Variants in LINGO1 observed in about 807,000 individuals in gnomAD.
LINGO1 encodes the protein leucine-rich repeat and immunoglobulin-like domain-containing nogo receptor-interacting protein 1.
LINGO1 carries 11 observed loss-of-function variants against 37.3 expected under a neutral mutation model. That is an observed-to-expected ratio of 0.29 (90% CI 0.19 to 0.49). LINGO1 has a LOEUF of 0.49. Ranked by LOEUF, LINGO1 falls within the 20% of genes least tolerant of loss-of-function variation. The pLI, the probability that LINGO1 is intolerant of heterozygous loss-of-function variation, is 0.99. For synonymous variants in LINGO1, 387 were observed against 403.0 expected (o/e 0.96, Z 0.48); for missense variants, 585 against 878.2 (o/e 0.67, Z 4.22).
chr15:77,628,286 C>CA (rs1430929372), intron 1 of LINGO1, among the ~76,000 whole-genome samples: 2 of 151,936 alleles, frequency 1.3e-5, no homozygotes, highest in Non-Finnish European at 2.9e-5. Context: ...TTTGTAAGAG[C>CA]AAAAAATGGA....
At chr15:77,732,637 C>T (rs1018712496) in intron 2 of LINGO1, among the ~76,000 whole-genome samples, 5 of 152,202 alleles carry the variant, frequency 3.3e-5, no homozygotes, top group African/African-American at 4.8e-5. Context: ...GATGGGTGCT[C>T]GAGTGTGGCT....
chr15:77,655,562 T>C (rs559894561), intron 3 of LINGO1, among the ~76,000 whole-genome samples: 1 of 152,036 alleles, frequency 6.6e-6, no homozygotes, highest in Non-Finnish European at 1.5e-5. Context: ...TGGGTGACCA[T>C]ACCAATAGCA....
chr15:77,747,835 G>C (rs1228351333), intron 1 of LINGO1, among the ~76,000 whole-genome samples: 2 of 151,558 alleles, frequency 1.3e-5, no homozygotes, highest in African/African-American at 4.8e-5. Context: ...CTATCCCAGA[G>C]AGAATCATAC....
intron 2 of LINGO1, among the ~76,000 whole-genome samples, chr15:77,730,642 G>T (rs1360942643): frequency 6.6e-6 from 1 of 152,228 alleles, no homozygotes; most frequent in Non-Finnish European, 1.5e-5. Context: ...GCATCAACCT[G>T]GGGGAGACAC....
At chr15:77,682,806 T>C (rs372266614) in intron 2 of LINGO1, among the ~76,000 whole-genome samples, 2 of 151,724 alleles carry the variant, frequency 1.3e-5, no homozygotes, top group South Asian at 4.2e-4. Flanking sequence ...TCATCCCCGC[T>C]CCACTTAAAA....
intron 1 of LINGO1, among the ~76,000 whole-genome samples, chr15:77,619,922 G>A (rs1017653843): frequency 3.3e-5 from 5 of 152,098 alleles, no homozygotes; most frequent in African/African-American, 1.2e-4. Context: ...CTGCCCTAAC[G>A]GTGGGGAAGC....
At chr15:77,741,748 G>A (rs1309104776) in intron 1 of LINGO1, among the ~76,000 whole-genome samples, 1 of 152,212 alleles carries the variant, frequency 6.6e-6, no homozygotes, top group Non-Finnish European at 1.5e-5. Flanking sequence ...AGGTACAGTT[G>A]GAGGTAAAGG....
chr15:77,687,710 C>T (rs1429644177), intron 2 of LINGO1, among the ~76,000 whole-genome samples: 1 of 152,226 alleles, frequency 6.6e-6, no homozygotes, highest in East Asian at 1.9e-4. Flanking sequence ...CACCCACTGC[C>T]CCATTCTATT....
chr15:77,662,887 C>G (rs547627624), intron 3 of LINGO1, among the ~76,000 whole-genome samples: 2 of 152,250 alleles, frequency 1.3e-5, no homozygotes, highest in Non-Finnish European at 2.9e-5. Context: ...AGAACCCACA[C>G]TCCCTGGGCT....
intron 1 of LINGO1, among the ~76,000 whole-genome samples, chr15:77,813,481 T>C (rs1159555724): frequency 6.6e-6 from 1 of 151,974 alleles, no homozygotes; most frequent in African/African-American, 2.4e-5. Flanking sequence ...TGGGAGGGTG[T>C]TGGGTGAGAG....
intron 1 of LINGO1, among the ~76,000 whole-genome samples, chr15:77,772,873 C>T (rs1035254838): frequency 5.3e-5 from 8 of 152,124 alleles, no homozygotes; most frequent in African/African-American, 1.4e-4. Context: ...TAGCATGGTT[C>T]GTTAAGGCGC....
chr15:77,643,885 A>G (rs1035152193), intron 3 of LINGO1, among the ~76,000 whole-genome samples: 1 of 152,136 alleles, frequency 6.6e-6, no homozygotes, highest in African/African-American at 2.4e-5. Flanking sequence ...TGGGGGTGCA[A>G]TGGCTCAAGG....
intron 3 of LINGO1, among the ~76,000 whole-genome samples, chr15:77,655,247 G>T (rs1001646799): frequency 3.9e-5 from 6 of 152,230 alleles, no homozygotes; most frequent in Admixed American, 3.9e-4. Context: ...CCAGGAAGAG[G>T]AGCTGGAGAA....
At chr15:77,631,479 G>C (rs974312253) in intron 1 of LINGO1, among the ~76,000 whole-genome samples, 1 of 152,308 alleles carries the variant, frequency 6.6e-6, no homozygotes, top group African/African-American at 2.4e-5. Flanking sequence ...CACTGGCCTG[G>C]CCCCACCCCT....
rs1322468413 is a variant in LINGO1, at chr15:77,614,029, C to A, written c.*15G>T. The A allele has an allele frequency of 1.9e-6, 3 of 1,548,624 alleles. No individual in the cohort carries two copies. The highest frequency in any genetic ancestry group is 1.4e-5 in the African/African-American group (1 of 73,280). On this transcript the variant is annotated 3_prime_UTR_variant, in exon 2 of 2. Coordinates refer to ENST00000355300, the MANE Select transcript of LINGO1 (RefSeq NM_032808.7). ...CTGCCCGGCCGCCCGGGGGTCCCTG[C>A]CCCCCGCCCCGGCCTCATATCATCT...
intron 2 of LINGO1, among the ~76,000 whole-genome samples, chr15:77,731,263 C>A (rs2076152449): frequency 6.6e-6 from 1 of 152,150 alleles, no homozygotes; most frequent in Non-Finnish European, 1.5e-5. Context: ...TAGGAGGTGG[C>A]AGAGAGCCGC....
At position 77,623,522 on chromosome 15, in the gene LINGO1, T is replaced by C. The variant is rs530515987; in HGVS notation, c.7-7622A>G. Among the ~76,000 whole-genome samples the C allele has an allele frequency of 1.4e-4, 22 of 152,322 alleles. No individual in the cohort carries two copies. In the East Asian group the frequency reaches 4.2e-3, roughly 29 times the overall value. ...GGCCAGTCTAATTTGGGGGGCTGCC[T>C]CCTGGCCCATGGGGAGGTGGTGAGG... On this transcript the variant is annotated intron_variant, in intron 1 of 1. Transcript: ENST00000355300.
chr15:77,809,067 C>T (rs1483220023), intron 1 of LINGO1, among the ~76,000 whole-genome samples: 1 of 152,254 alleles, frequency 6.6e-6, no homozygotes, highest in Non-Finnish European at 1.5e-5. Flanking sequence ...GGCCAGGATC[C>T]TCCCATTTTG....
chr15:77,684,922 TG>T (rs1220970821), intron 2 of LINGO1, among the ~76,000 whole-genome samples: 2 of 151,722 alleles, frequency 1.3e-5, no homozygotes, highest in Non-Finnish European at 2.9e-5. Flanking sequence ...AAGCTCGGGG[TG>T]GTGCCCGGGG....
Sources: allele counts gnomAD v4.1 joint callset (sites outside exome capture counted in the v4.1 genomes callset), GRCh38; gene constraint gnomAD v4.1.1; transcripts MANE v1.5; gene names NCBI Gene and HGNC (gene_info 2026-07-23, HGNC 2026-07-21).